The following ANKRD44 variants were observed in gnomAD, a reference collection of about 807,000 sequenced individuals.
The protein encoded by ANKRD44 is ankyrin repeat domain 44.
ANKRD44 carries 35 observed loss-of-function variants against 116.0 expected under a neutral mutation model. That is an observed-to-expected ratio of 0.30 (90% confidence interval 0.23 to 0.40). The LOEUF is 0.40. Among genes scored for constraint, ANKRD44 ranks in the 10% least tolerant of loss-of-function variants. The probability of loss-of-function intolerance (pLI) is 1.00; values close to 1 mark genes in which losing one functional copy is unlikely to be tolerated. For synonymous variants in ANKRD44, 435 were observed against 461.8 expected (o/e 0.94, Z 0.74); for missense variants, 1,014 against 1,242.6 (o/e 0.82, Z 2.77).
intron 1 of ANKRD44, among the ~76,000 whole-genome samples, chr2:197,248,741 G>A (rs558477727): frequency 6.6e-6 from 1 of 151,914 alleles, no homozygotes; most frequent in African/African-American, 2.4e-5. Flanking sequence ...GCAAACATAG[G>A]AGGCTCTCTG....
At chr2:197,290,764 C>A (rs1015852178) in intron 1 of ANKRD44, among the ~76,000 whole-genome samples, 2 of 152,142 alleles carry the variant, frequency 1.3e-5, no homozygotes, top group Non-Finnish European at 2.9e-5. Flanking sequence ...ATTTCTATTA[C>A]AAAGCATTGT....
chr2:197,286,539 A>AT (rs565310748), intron 1 of ANKRD44, among the ~76,000 whole-genome samples: 2 of 149,474 alleles, frequency 1.3e-5, no homozygotes, highest in South Asian at 2.1e-4. Flanking sequence ...TGTCTGGCTA[A>AT]TTTTTTTTTT....
At chr2:196,983,176 C>T (rs2075813988), downstream of ANKRD44, among the ~76,000 whole-genome samples, 2 of 151,130 alleles carry the variant, frequency 1.3e-5, no homozygotes, top group South Asian at 4.2e-4. Flanking sequence ...ACATGTACCC[C>T]AGAACTTAAA....
chr2:197,155,010 G>A (rs920185250), intron 2 of ANKRD44, among the ~76,000 whole-genome samples: 2 of 152,006 alleles, frequency 1.3e-5, no homozygotes, highest in African/African-American at 4.8e-5. Flanking sequence ...CTCCTGAAAC[G>A]AAGAATCACG....
chr2:196,989,945 G>A, intron 27 of ANKRD44: 2 of 1,069,550 alleles, frequency 1.9e-6, no homozygotes, highest in Non-Finnish European at 2.3e-6. Flanking sequence ...AAGTTTTGGT[G>A]CAATATAATT....
At chr2:197,157,259 G>A (rs1470156856) in intron 2 of ANKRD44, among the ~76,000 whole-genome samples, 2 of 152,112 alleles carry the variant, frequency 1.3e-5, no homozygotes, top group Admixed American at 6.6e-5. Flanking sequence ...TAGCAAAATC[G>A]AATTAACCAA....
chr2:197,024,913 G>C (rs1056307540), intron 17 of ANKRD44, among the ~76,000 whole-genome samples: 1 of 152,218 alleles, frequency 6.6e-6, no homozygotes, highest in Non-Finnish European at 1.5e-5. Flanking sequence ...AAGAATAAAG[G>C]TTAAGGGCTT....
At chr2:197,238,232 A>G (rs1457319286) in intron 1 of ANKRD44, among the ~76,000 whole-genome samples, 14 of 152,164 alleles carry the variant, frequency 9.2e-5, no homozygotes, top group Admixed American at 7.9e-4. Context: ...CTCACACTGG[A>G]TTCCCAGAGC....
chr2:197,236,713 C>CAAAAAAA (rs71012964), intron 1 of ANKRD44, among the ~76,000 whole-genome samples: 2 of 105,244 alleles, frequency 1.9e-5, no homozygotes, highest in Non-Finnish European at 4.1e-5. Flanking sequence ...ACAAACTACT[C>CAAAAAAA]AAAAAAAAAA....
Position 197,001,878 on chromosome 2 carries a change from A to C in ANKRD44, c.2348-38T>G, listed in dbSNP as rs774479935. Reference sequence around the variant, plus strand: ...AAAATAATTTAGGGAGTTTCCAAGAAAGAAATTTTGTTCAACCCAATCTGC... The same window carrying C: ...AAAATAATTTAGGGAGTTTCCAAGACAGAAATTTTGTTCAACCCAATCTGC... On this transcript the variant is annotated intron_variant, in intron 21 of 27. Transcript: ENST00000282272. 1.9e-6 allele frequency: 3 copies of C among 1,541,084 alleles called. No individual in the cohort carries two copies. In the Admixed American group the frequency reaches 5.2e-5, roughly 27 times the overall value.
In ANKRD44 at chr2:197,134,043, T is replaced by G. The variant is rs192760384; in HGVS notation, c.261+2549A>C. 1.2e-4 allele frequency: 16 copies of G among 135,752 alleles called. No homozygotes were observed. In the East Asian group the frequency reaches 3.6e-3, roughly 31 times the overall value. 8.4% of individuals were successfully genotyped at this position (135,752 alleles called of 1,614,324 possible). A position where few individuals can be genotyped will look rare whatever the true frequency, so the allele number is the denominator to read the frequency against. The stretch of plus-strand genomic sequence containing the variant: ...ATCTTGGCTCACCGCAACCTCTGCC[T>G]CCCAGGTTCAAGTGATTCTCCTGTC... On this transcript the variant is annotated intron_variant, in intron 4 of 27. Coordinates refer to ENST00000282272, the MANE Select transcript of ANKRD44 (RefSeq NM_001195144.2).
At chr2:196,974,642 C>T (rs1389546719) in intron 21 of ANKRD44, among the ~76,000 whole-genome samples, 1 of 151,980 alleles carries the variant, frequency 6.6e-6, no homozygotes, top group African/African-American at 2.4e-5. Context: ...GTAATCCCAG[C>T]ACTTTGGTAG....
chr2:197,018,822 G>A lies in ANKRD44; in HGVS notation c.1723-5110C>T, dbSNP rs184745266. Among the ~76,000 whole-genome samples the A allele has an allele frequency of 1.2e-3, 189 of 152,116 alleles. 1 individual carries two copies. Among genetic ancestry groups the A allele is most frequent in the Admixed American group, 4.1e-3 (63 of 15,286 alleles). On this transcript the variant is annotated intron_variant, in intron 17 of 27. Transcript: ENST00000282272. ...TTTTTAAACAGCAATTATTTTTTGA[G>A]GGTTTTTTATGTGCTGGGCACTATT... is the stretch of plus-strand genomic sequence containing the variant.
chr2:196,971,464 C>T (rs1399606749), intron 21 of ANKRD44, among the ~76,000 whole-genome samples: 1 of 152,148 alleles, frequency 6.6e-6, no homozygotes, highest in African/African-American at 2.4e-5. Flanking sequence ...TCAAGTGATT[C>T]TCGTGCCTTA....
intron 1 of ANKRD44, among the ~76,000 whole-genome samples, chr2:197,242,438 A>G (rs1180273284): frequency 6.6e-6 from 1 of 152,202 alleles, no homozygotes; most frequent in Non-Finnish European, 1.5e-5. Context: ...TTCCAGTTAT[A>G]CCAGGTTTCT....
intron 10 of ANKRD44, among the ~76,000 whole-genome samples, chr2:197,091,252 G>A (rs548194499): frequency 1.0e-3 from 159 of 152,314 alleles, no homozygotes; most frequent in African/African-American, 3.4e-3. Context: ...ACTCCTGCCC[G>A]TGCCAAAGCA....
chr2:196,999,397 A>G (rs2076072844), intron 23 of ANKRD44, among the ~76,000 whole-genome samples: 1 of 152,186 alleles, frequency 6.6e-6, no homozygotes, highest in South Asian at 2.1e-4. Flanking sequence ...TTGGCAGATT[A>G]AATAAAAATT....
intron 1 of ANKRD44, among the ~76,000 whole-genome samples, chr2:197,284,628 A>G (rs1027031403): frequency 6.6e-6 from 1 of 152,014 alleles, no homozygotes; most frequent in African/African-American, 2.4e-5. Context: ...GCTCATGCCT[A>G]TAATCCCAAA....
intron 1 of ANKRD44, among the ~76,000 whole-genome samples, chr2:197,246,008 C>A (rs1374170218): frequency 6.6e-6 from 1 of 152,106 alleles, no homozygotes; most frequent in African/African-American, 2.4e-5. Context: ...CCTGCTGTGT[C>A]CCCAAACCAG....
Sources: gnomAD v4.1 joint callset for allele counts (sites outside exome capture counted in the v4.1 genomes callset) on GRCh38, gnomAD v4.1.1 for gene constraint, MANE v1.5 for transcripts, NCBI Gene and HGNC (gene_info 2026-07-23, HGNC 2026-07-21) for gene names.